The following NKAIN2 variants were observed in gnomAD, a reference collection of about 807,000 sequenced individuals.
NKAIN2 encodes sodium/potassium-transporting ATPase subunit beta-1-interacting protein 2.
Under a neutral mutation model 32.6 loss-of-function variants are expected in NKAIN2, and 14 were observed. The ratio of observed to expected loss-of-function variants is 0.43; its 90% CI spans 0.28 to 0.67. The LOEUF (loss-of-function observed/expected upper bound fraction) is 0.67, where lower values mean the gene tolerates loss of function less well. Among genes scored for constraint, NKAIN2 ranks in the 30% least tolerant of loss-of-function variants. The pLI is 0.17. For missense variants in NKAIN2, 198 were observed against 258.3 expected (o/e 0.77, Z 1.60); for synonymous variants, 80 against 87.2 (o/e 0.92, Z 0.46).
chr6:123,913,711 T>G (rs965872774), intron 1 of NKAIN2, among the ~76,000 whole-genome samples: 1 of 152,120 alleles, frequency 6.6e-6, no homozygotes, highest in Non-Finnish European at 1.5e-5. Context: ...TATATCAAAC[T>G]TTTACCTAAT....
intron 1 of NKAIN2, among the ~76,000 whole-genome samples, chr6:124,220,683 G>T (rs867837940): frequency 1.6e-3 from 243 of 151,416 alleles, no homozygotes; most frequent in African/African-American, 5.3e-3. Context: ...TAATAATTTT[G>T]CCCCAAATTA....
chr6:124,468,999 C>T (rs1422129444), intron 3 of NKAIN2, among the ~76,000 whole-genome samples: 2 of 152,170 alleles, frequency 1.3e-5, no homozygotes, highest in Non-Finnish European at 2.9e-5. Flanking sequence ...TTGCTCTAAT[C>T]TACTTATATC....
chr6:123,832,109 A>G (rs77184325), intron 1 of NKAIN2, among the ~76,000 whole-genome samples: 3 of 152,130 alleles, frequency 2.0e-5, no homozygotes, highest in Non-Finnish European at 4.4e-5. Flanking sequence ...CTGCCATGAC[A>G]AACCTCTGTG....
rs1007214726 is a variant in NKAIN2 at position 124,100,237 on chromosome 6, T to C, written c.55-182768T>C. On this transcript the variant is annotated intron_variant, in intron 1 of 6. Transcript: ENST00000368417. Reference sequence around the variant, plus strand: ...TTGAATTAGCAGATTTTGGGGAGTGTATGCAAGACGAGTAATGAAGTTAGA... The same window carrying C: ...TTGAATTAGCAGATTTTGGGGAGTGCATGCAAGACGAGTAATGAAGTTAGA... Among the ~76,000 whole-genome samples the C allele has an allele frequency of 4.6e-5, 7 of 152,312 alleles. No homozygotes were observed. The Middle Eastern group carries it at 0.017, about 370-fold the overall frequency.
chr6:124,048,603 A>C (rs17086536), intron 1 of NKAIN2, among the ~76,000 whole-genome samples: 15,977 of 151,776 alleles, frequency 0.11, 910 homozygotes, highest in East Asian at 0.28. Context: ...AGAATATGCC[A>C]GCATCTACAC....
intron 3 of NKAIN2, among the ~76,000 whole-genome samples, chr6:124,408,770 C>T (rs548319257): frequency 1.1e-4 from 17 of 152,260 alleles, no homozygotes; most frequent in African/African-American, 4.1e-4. Flanking sequence ...GGTATTGAAT[C>T]TATAAATTAC....
chr6:123,914,706 G>T (rs542794002), intron 1 of NKAIN2, among the ~76,000 whole-genome samples: 1 of 152,058 alleles, frequency 6.6e-6, no homozygotes, highest in African/African-American at 2.4e-5. Context: ...GTCTCTCTCT[G>T]CCCTTAACTG....
intron 1 of NKAIN2, among the ~76,000 whole-genome samples, chr6:124,183,297 T>C (rs1454219028): frequency 6.6e-6 from 1 of 152,080 alleles, no homozygotes; most frequent in Non-Finnish European, 1.5e-5. Flanking sequence ...ATAAATAATG[T>C]TGGTTGTTAC....
intron 1 of NKAIN2, among the ~76,000 whole-genome samples, chr6:124,026,316 T>A (rs1418113641): frequency 2.0e-5 from 3 of 152,236 alleles, no homozygotes; most frequent in African/African-American, 7.2e-5. Flanking sequence ...TCTTCTACAG[T>A]ATTCATATTC....
intron 1 of NKAIN2, among the ~76,000 whole-genome samples, chr6:124,143,073 T>C (rs1284417869): frequency 6.6e-6 from 1 of 152,226 alleles, no homozygotes; most frequent in Non-Finnish European, 1.5e-5. Context: ...ACATCTTTTA[T>C]CTTTAAAATC....
intron 2 of NKAIN2, among the ~76,000 whole-genome samples, chr6:124,351,836 G>T (rs1798749556): frequency 6.6e-6 from 1 of 152,016 alleles, no homozygotes; most frequent in Non-Finnish European, 1.5e-5. Context: ...TGGCCCACTG[G>T]TCTCAAACTG....
chr6:123,911,328 T>G (rs1052375809), intron 1 of NKAIN2, among the ~76,000 whole-genome samples: 3 of 152,142 alleles, frequency 2.0e-5, no homozygotes, highest in African/African-American at 7.2e-5. Flanking sequence ...GGTGAGGGCC[T>G]CAGGAAGCTT....
chr6:124,539,275 C>A (rs1218062680), intron 3 of NKAIN2, among the ~76,000 whole-genome samples: 1 of 152,138 alleles, frequency 6.6e-6, no homozygotes, highest in African/African-American at 2.4e-5. Flanking sequence ...AATATTATCA[C>A]TTCTCTAATT....
At chr6:124,781,948 G>T (rs1435697872) in intron 4 of NKAIN2, among the ~76,000 whole-genome samples, 1 of 152,072 alleles carries the variant, frequency 6.6e-6, no homozygotes, top group Non-Finnish European at 1.5e-5. Flanking sequence ...CCCCTGGAGG[G>T]TTCTTTTTCT....
intron 3 of NKAIN2, among the ~76,000 whole-genome samples, chr6:124,491,145 A>C (rs2114724432): frequency 6.6e-6 from 1 of 151,962 alleles, no homozygotes; most frequent in Middle Eastern, 3.4e-3. Context: ...GCACTTGCTA[A>C]GTGCTAGCAC....
At chr6:123,924,439 G>T (rs1019658325) in intron 1 of NKAIN2, among the ~76,000 whole-genome samples, 4 of 152,138 alleles carry the variant, frequency 2.6e-5, no homozygotes, top group Non-Finnish European at 4.4e-5. Flanking sequence ...CTGTAACAAA[G>T]AAAGAATCTT....
chr6:124,162,987 T>G (rs908418486), intron 1 of NKAIN2, among the ~76,000 whole-genome samples: 1 of 152,094 alleles, frequency 6.6e-6, no homozygotes, highest in Non-Finnish European at 1.5e-5. Context: ...TAGTTTATAA[T>G]GTTCTTATTT....
chr6:124,122,027 T>C, intron 1 of NKAIN2: 1 of 252,982 alleles, frequency 4.0e-6, no homozygotes, highest in Non-Finnish European at 7.1e-6. Flanking sequence ...TCAGTGTTCA[T>C]GTTTCACTAA....
chr6:124,166,461 G>A (rs948807775), intron 1 of NKAIN2, among the ~76,000 whole-genome samples: 1 of 150,542 alleles, frequency 6.6e-6, no homozygotes, highest in Non-Finnish European at 1.5e-5. Flanking sequence ...CTCCAATTTT[G>A]TAGGTTGCCT....
Sources: gnomAD v4.1 joint callset for allele counts (sites outside exome capture counted in the v4.1 genomes callset) on GRCh38, gnomAD v4.1.1 for gene constraint, MANE v1.5 for transcripts, NCBI Gene and HGNC (gene_info 2026-07-23, HGNC 2026-07-21) for gene names.